The following MAGI2 variants were observed in gnomAD, a reference collection of about 807,000 sequenced individuals.
The protein encoded by MAGI2 is membrane-associated guanylate kinase, WW and PDZ domain-containing protein 2.
A neutral mutation model predicts 133.3 loss-of-function variants in MAGI2; 35 were observed. The ratio of observed to expected loss-of-function variants is 0.26; its 90% CI spans 0.20 to 0.35. The LOEUF (loss-of-function observed/expected upper bound fraction) is 0.35, where lower values mean the gene tolerates loss of function less well. Among genes scored for constraint, MAGI2 ranks in the 10% least tolerant of loss-of-function variants. The pLI, the probability that MAGI2 is intolerant of heterozygous loss-of-function variation, is 1.00. For synonymous variants in MAGI2, 729 were observed against 710.6 expected (o/e 1.03, Z -0.41); for missense variants, 1,636 against 1,863.4 (o/e 0.88, Z 2.25).
chr7:78,775,320 T>TAAAAAAAAA lies in MAGI2; in HGVS notation c.419-148090_419-148082dup, dbSNP rs3086258. Among the ~76,000 whole-genome samples, 386 of 57,348 alleles carry TAAAAAAAAA rather than the reference T, an allele frequency of 6.7e-3. 35 individuals carry two copies. Among genetic ancestry groups the TAAAAAAAAA allele is most frequent in the Middle Eastern group, 0.011 (1 of 88 alleles). The allele number at this position is 57,348 out of a possible 152,430, so 37.6% of individuals were successfully genotyped here. ...AGAGCGAGACTCTGTCGTCTCAAAT[T>TAAAAAAAAA]AAAAAAAAAAAAAAAAAAAAAAAAA... On this transcript the variant is annotated intron_variant, in intron 2 of 21. Transcript: ENST00000354212.
chr7:78,718,218 G>A (rs1272819039), intron 2 of MAGI2, among the ~76,000 whole-genome samples: 2 of 152,148 alleles, frequency 1.3e-5, no homozygotes, highest in South Asian at 2.1e-4. Context: ...CTATAGAGTG[G>A]CAGGAATAAA....
intron 21 of MAGI2, among the ~76,000 whole-genome samples, chr7:78,054,912 C>T (rs1812410037): frequency 6.6e-6 from 1 of 152,168 alleles, no homozygotes; most frequent in African/African-American, 2.4e-5. Context: ...CTTGGCCTCC[C>T]AAAGTGCTGG....
intron 1 of MAGI2, among the ~76,000 whole-genome samples, chr7:79,040,648 G>A (rs1490755257): frequency 6.6e-6 from 1 of 152,134 alleles, no homozygotes; most frequent in Non-Finnish European, 1.5e-5. Context: ...GGACCATGGG[G>A]GTGGTTTTCC....
chr7:79,429,947 TA>T (rs900470853), intron 1 of MAGI2, among the ~76,000 whole-genome samples: 1 of 151,978 alleles, frequency 6.6e-6, no homozygotes, highest in African/African-American at 2.4e-5. Context: ...TTAAAAGCTT[TA>T]AAAAAATAAG....
At chr7:79,173,275 GC>G (rs1233646986) in intron 1 of MAGI2, among the ~76,000 whole-genome samples, 3 of 151,728 alleles carry the variant, frequency 2.0e-5, no homozygotes, top group Non-Finnish European at 2.9e-5. Context: ...TCATGTTCTT[GC>G]ATAGAAAAAA....
At chr7:78,591,279 T>C (rs964474294) in intron 3 of MAGI2, among the ~76,000 whole-genome samples, 2 of 152,168 alleles carry the variant, frequency 1.3e-5, no homozygotes, top group Non-Finnish European at 2.9e-5. Flanking sequence ...ACAGACCTCA[T>C]TGAGAAAGCC....
At chr7:79,117,994 C>A (rs1397371078) in intron 1 of MAGI2, among the ~76,000 whole-genome samples, 1 of 152,128 alleles carries the variant, frequency 6.6e-6, no homozygotes, top group Non-Finnish European at 1.5e-5. Flanking sequence ...TTACAGAAAC[C>A]TGTTGTCTCT....
intron 21 of MAGI2, 165 bp downstream of exon 21, chr7:78,078,782 G>A (rs1815635458): frequency 2.9e-6 from 2 of 691,676 alleles, no homozygotes; most frequent in Non-Finnish European, 4.9e-6. Context: ...ATACGTGTGT[G>A]TGTGTATGTG....
At chr7:79,139,514 C>T (rs114649220) in intron 1 of MAGI2, among the ~76,000 whole-genome samples, 3,010 of 152,324 alleles carry the variant, frequency 0.02, 101 homozygotes, top group African/African-American at 0.068. Flanking sequence ...CTCTGATACA[C>T]GGCTTCCCTC....
rs536511158 is a variant in MAGI2, at chr7:78,072,754, C to T, written c.3706+6193G>A. 278 of 396,504 alleles carry T rather than the reference C, an allele frequency of 7.0e-4. 3 individuals are homozygous for T. The South Asian group carries it at 0.012, about 17-fold the overall frequency. 24.6% of individuals were successfully genotyped at this position (396,504 alleles called of 1,614,324 possible). A position where few individuals can be genotyped will look rare whatever the true frequency, so the allele number is the denominator to read the frequency against. ...GGTGTGCAGTGGCACGATCATGGCT[C>T]ATTGCATTCTCAACTTCCTGTGCTT... is the stretch of plus-strand genomic sequence containing the variant. On this transcript the variant is annotated intron_variant, in intron 21 of 21. Coordinates refer to ENST00000354212, the MANE Select transcript of MAGI2 (RefSeq NM_012301.4).
intron 1 of MAGI2, among the ~76,000 whole-genome samples, chr7:79,293,378 T>C (rs1408840327): frequency 6.6e-6 from 1 of 152,236 alleles, no homozygotes; most frequent in East Asian, 1.9e-4. Context: ...CCATTTATTA[T>C]TTATTTCTTT....
At chr7:78,243,734 GT>G (rs1433512075) in intron 10 of MAGI2, among the ~76,000 whole-genome samples, 1 of 152,032 alleles carries the variant, frequency 6.6e-6, no homozygotes, top group Non-Finnish European at 1.5e-5. Flanking sequence ...AGGAAGAAAA[GT>G]TTTCAAAAAC....
intron 2 of MAGI2, among the ~76,000 whole-genome samples, chr7:78,729,497 C>T (rs1190788593): frequency 6.6e-6 from 1 of 152,176 alleles, no homozygotes; most frequent in Non-Finnish European, 1.5e-5. Flanking sequence ...AGGGAGAAGG[C>T]ATCTTGGCCA....
intron 2 of MAGI2, among the ~76,000 whole-genome samples, chr7:78,960,513 T>C (rs1802747960): frequency 6.6e-6 from 1 of 152,058 alleles, no homozygotes; most frequent in Non-Finnish European, 1.5e-5. Context: ...CCTTGAGACA[T>C]AATGTTTGCA....
At chr7:79,368,010 C>T (rs1842832320) in intron 1 of MAGI2, among the ~76,000 whole-genome samples, 1 of 151,678 alleles carries the variant, frequency 6.6e-6, no homozygotes, top group African/African-American at 2.4e-5. Context: ...AGGATAATTT[C>T]CTATGAACTG....
At chr7:78,423,547 G>A (rs1052077820) in intron 6 of MAGI2, among the ~76,000 whole-genome samples, 10 of 152,194 alleles carry the variant, frequency 6.6e-5, no homozygotes, top group Admixed American at 5.9e-4. Context: ...ACAGGCAGAG[G>A]TTGGAACAGT....
intron 1 of MAGI2, among the ~76,000 whole-genome samples, chr7:79,358,143 T>C (rs2129118778): frequency 6.6e-6 from 1 of 152,198 alleles, no homozygotes; most frequent in South Asian, 2.1e-4. Flanking sequence ...AAATATCCTC[T>C]GCTGTTGTAG....
intron 2 of MAGI2, among the ~76,000 whole-genome samples, chr7:78,755,650 T>C (rs548383685): frequency 3.0e-4 from 46 of 152,316 alleles, no homozygotes; most frequent in Admixed American, 5.9e-4. Flanking sequence ...TTTGACAAAA[T>C]AATTTCAGGC....
chr7:78,706,281 AG>A (rs1325547450), intron 2 of MAGI2, among the ~76,000 whole-genome samples: 2 of 152,006 alleles, frequency 1.3e-5, no homozygotes, highest in African/African-American at 4.8e-5. Flanking sequence ...AAGTCTCATG[AG>A]ATCCGAAAAG....
Sources: gnomAD v4.1 joint callset for allele counts (sites outside exome capture counted in the v4.1 genomes callset) on GRCh38, gnomAD v4.1.1 for gene constraint, MANE v1.5 for transcripts, NCBI Gene and HGNC (gene_info 2026-07-23, HGNC 2026-07-21) for gene names.